Variants in SCART1 observed in about 807,000 individuals in gnomAD.
SCART1 encodes the protein scavenger receptor family member expressed on T cells 1.
Under a neutral mutation model 36.2 loss-of-function variants are expected in SCART1, and 62 were observed. The observed-to-expected ratio is 1.71, with a 90% CI of 1.40 to 2.12. The LOEUF is 2.12. Among genes scored for constraint, SCART1 ranks in the 30% most tolerant of loss-of-function variants. The pLI is 0.00. For missense variants in SCART1, 1,041 were observed against 540.5 expected (o/e 1.93, Z -9.18); for synonymous variants, 487 against 238.7 (o/e 2.04, Z -9.59).
rs950710978 is a variant in SCART1, at chr10:133,465,712, T to A, written c.2659+147T>A. 21 of 612,628 alleles carry A rather than the reference T, an allele frequency of 3.4e-5. 1 individual carries two copies. In the Middle Eastern group the frequency reaches 1.6e-3, roughly 47 times the overall value. 37.9% of individuals were successfully genotyped at this position (612,628 alleles called of 1,614,324 possible). On this transcript the variant is annotated intron_variant, in intron 9 of 11. Coordinates refer to ENST00000640237, the Ensembl canonical transcript of SCART1. ...ACCCTGGGATTTTTCTGGGATAGGC[T>A]GATTTGCTGTGGAGGCCTGTTTGGG...
Position 133,457,187 on chromosome 10 carries a change from C to T in SCART1, c.386-92C>T, listed in dbSNP as rs755393026. The stretch of plus-strand genomic sequence containing the variant: ...GCCCCTGAAGCTGGCCCTGGCTCAG[C>T]CCATCACTGTCCTCCCTGAAAAAGG... On this transcript the variant is annotated intron_variant, in intron 2 of 11. Coordinates refer to ENST00000640237, the Ensembl canonical transcript of SCART1. 26 of 672,206 alleles carry T rather than the reference C, an allele frequency of 3.9e-5. No individual in the cohort carries two copies. In the Middle Eastern group the frequency reaches 1.5e-3, roughly 40 times the overall value. 41.6% of individuals were successfully genotyped at this position (672,206 alleles called of 1,614,324 possible).
chr10:133,469,503 A>G (rs1381456875), downstream of SCART1, among the ~76,000 whole-genome samples: 1 of 152,186 alleles, frequency 6.6e-6, no homozygotes, highest in Admixed American at 6.5e-5. Context: ...ACAGAAAACC[A>G]AACACTGCAT....
At chr10:133,457,051 G>A in intron 2 of SCART1, 1 of 571,250 alleles carries the variant, frequency 1.8e-6, no homozygotes, top group Non-Finnish European at 3.1e-6. Flanking sequence ...TTGGGGCCCA[G>A]TGTGAACGGA....
intron 6 of SCART1, among the ~76,000 whole-genome samples, chr10:133,462,114 C>G (rs896659940): frequency 5.3e-5 from 8 of 152,228 alleles, no homozygotes; most frequent in Non-Finnish European, 1.0e-4. Context: ...CTGCATCCCC[C>G]GGGTGGGGCG....
intron 6 of SCART1, among the ~76,000 whole-genome samples, chr10:133,462,959 T>G (rs959477948): frequency 5.3e-5 from 8 of 152,186 alleles, no homozygotes; most frequent in South Asian, 2.1e-4. Context: ...TCCAGTATTC[T>G]TTCTAAGCTT....
intron 11 of SCART1, among the ~76,000 whole-genome samples, 198 bp downstream of exon 11, chr10:133,467,551 C>A (rs1229696330): frequency 6.6e-6 from 1 of 152,110 alleles, no homozygotes; most frequent in African/African-American, 2.4e-5. Flanking sequence ...TGGCTGGAGT[C>A]CCCATCGGAG....
At chr10:133,459,037 C>T (rs539986827) in exon 5 of SCART1, 31 of 692,108 alleles carry the variant, frequency 4.5e-5, no homozygotes, top group Admixed American at 3.9e-4. Context: ...GGATGGTCAA[C>T]GGCAGCAGCA....
intron 6 of SCART1, among the ~76,000 whole-genome samples, chr10:133,460,496 A>ATATATATATATATTTTTTTTTTTTT: frequency 7.4e-6 from 1 of 136,016 alleles, no homozygotes; most frequent in Non-Finnish European, 1.6e-5. Flanking sequence ...ATATTTATAT[A>ATATATATATATATTTTTTTTTTTTT]TTTTAAAAAA....
intron 6 of SCART1, among the ~76,000 whole-genome samples, chr10:133,461,598 C>T (rs1404511610): frequency 6.6e-6 from 1 of 152,182 alleles, no homozygotes; most frequent in Non-Finnish European, 1.5e-5. Flanking sequence ...GCACCCACGT[C>T]ACAATCTGTG....
intron 10 of SCART1, 99 bp downstream of exon 10, chr10:133,466,480 C>T: frequency 1.6e-6 from 1 of 640,964 alleles, no homozygotes. Flanking sequence ...GCGGGGTGCC[C>T]CACAGCAGTC....
intron 1 of SCART1, among the ~76,000 whole-genome samples, chr10:133,455,934 G>T (rs989423662): frequency 6.6e-6 from 1 of 152,020 alleles, no homozygotes; most frequent in African/African-American, 2.4e-5. Context: ...GCAGAGAGTG[G>T]GTGGGAGGAC....
intron 3 of SCART1, chr10:133,458,072 A>G: frequency 1.6e-6 from 1 of 633,852 alleles, no homozygotes; most frequent in Non-Finnish European, 2.8e-6. Context: ...CTGGGATTGC[A>G]GAGGGTGTTG....
chr10:133,463,920 C>T (rs1316988915), intron 6 of SCART1, among the ~76,000 whole-genome samples: 1 of 152,050 alleles, frequency 6.6e-6, no homozygotes, highest in Non-Finnish European at 1.5e-5. Flanking sequence ...GAATTTATTC[C>T]TCTTATCCAG....
chr10:133,454,687 G>GGGT (rs1183756259), intron 1 of SCART1, among the ~76,000 whole-genome samples: 1 of 152,140 alleles, frequency 6.6e-6, no homozygotes, highest in African/African-American at 2.4e-5. Context: ...AGGCAGGGGA[G>GGGT]GGTGCCCTTG....
At chr10:133,462,060 A>G (rs966272173) in intron 6 of SCART1, among the ~76,000 whole-genome samples, 2 of 152,134 alleles carry the variant, frequency 1.3e-5, no homozygotes, top group African/African-American at 4.8e-5. Flanking sequence ...TGCCTCGGTC[A>G]CTTCTGGCCC....
exon 12 of SCART1, chr10:133,468,146 C>A: frequency 2.0e-6 from 1 of 492,152 alleles, no homozygotes; most frequent in East Asian, 3.1e-5. Context: ...TCATCCCCTT[C>A]GAGGGCCATC....
At chr10:133,465,896 T>C (rs893346859) in intron 9 of SCART1, 5 of 680,708 alleles carry the variant, frequency 7.3e-6, no homozygotes, top group African/African-American at 7.0e-5. Flanking sequence ...TTAACCACAG[T>C]GATGACCTTA....
intron 2 of SCART1, among the ~76,000 whole-genome samples, chr10:133,456,842 G>T (rs1850621876): frequency 6.6e-6 from 1 of 152,210 alleles, no homozygotes; most frequent in Admixed American, 6.5e-5. Flanking sequence ...CCGAGCGGGG[G>T]CGGGGTCTGT....
At chr10:133,464,276 C>A in intron 6 of SCART1, 1 of 328,426 alleles carries the variant, frequency 3.0e-6, no homozygotes, top group Non-Finnish European at 5.5e-6. Context: ...TGAACCTGGG[C>A]GTGCAGTGAA....
Sources: allele counts gnomAD v4.1 joint callset (sites outside exome capture counted in the v4.1 genomes callset), GRCh38; gene constraint gnomAD v4.1.1; transcripts MANE v1.5; gene names NCBI Gene and HGNC (gene_info 2026-07-23, HGNC 2026-07-21).